Variants in PLPPR1 observed in about 807,000 individuals in gnomAD.
PLPPR1 encodes the protein phospholipid phosphatase-related protein type 1.
Under a neutral mutation model 33.1 loss-of-function variants are expected in PLPPR1, and 10 were observed. That is an observed-to-expected ratio of 0.30 (90% CI 0.19 to 0.51). The LOEUF is 0.51. Ranked by LOEUF, PLPPR1 falls within the 20% of genes least tolerant of loss-of-function variation. PLPPR1 has a pLI of 0.97. For missense variants in PLPPR1, 304 were observed against 408.1 expected, an observed-to-expected ratio of 0.74 and a Z score of 2.20; for synonymous variants, 151 against 151.0, an observed-to-expected ratio of 1.00 and a Z score of 0.00.
intron 2 of PLPPR1, among the ~76,000 whole-genome samples, chr9:101,235,313 G>A (rs1827277159): frequency 6.6e-6 from 1 of 151,822 alleles, no homozygotes; most frequent in Non-Finnish European, 1.5e-5. Context: ...TTCGAACACA[G>A]GGAGAACTGT....
chr9:101,107,922 T>C (rs1294464728), intron 1 of PLPPR1, among the ~76,000 whole-genome samples: 4 of 151,176 alleles, frequency 2.6e-5, no homozygotes, highest in East Asian at 2.0e-4. Flanking sequence ...CCAGGTGCGT[T>C]CGTCACCCCT....
intron 2 of PLPPR1, among the ~76,000 whole-genome samples, chr9:101,222,163 CT>C (rs1826956634): frequency 6.6e-6 from 1 of 152,314 alleles, no homozygotes; most frequent in Admixed American, 6.5e-5. Context: ...GAAGTAGCAC[CT>C]GAGAAACTGG....
In PLPPR1 at chr9:101,090,071, C is replaced by T. The variant is rs143703026; in HGVS notation, c.-46+60969C>T. Among the ~76,000 whole-genome samples the T allele has an allele frequency of 1.3e-3, 191 of 152,230 alleles. 1 individual carries two copies. The highest frequency in any genetic ancestry group is 4.4e-3 in the African/African-American group (184 of 41,536). On this transcript the variant is annotated intron_variant, in intron 1 of 7. Transcript: ENST00000374874. ...GCTTCTGGGAGCCCCAGACATATTC[C>T]TTGGTTTGTGGCAGCATGACTCCAA...
At chr9:101,246,701 A>G (rs774983058) in intron 2 of PLPPR1, among the ~76,000 whole-genome samples, 1 of 152,038 alleles carries the variant, frequency 6.6e-6, no homozygotes, top group Non-Finnish European at 1.5e-5. Flanking sequence ...GTGTGTAACA[A>G]AGCACTCCAA....
intron 1 of PLPPR1, among the ~76,000 whole-genome samples, chr9:101,159,754 G>A (rs1266926900): frequency 6.6e-6 from 1 of 152,150 alleles, no homozygotes. Flanking sequence ...GAGCGCAAAG[G>A]GATATTGTGT....
chr9:101,046,351 C>T (rs1300524554), intron 1 of PLPPR1, among the ~76,000 whole-genome samples: 1 of 152,098 alleles, frequency 6.6e-6, no homozygotes, highest in African/African-American at 2.4e-5. Context: ...TCCCCTCCAC[C>T]CCTGCCCAGA....
intron 2 of PLPPR1, among the ~76,000 whole-genome samples, chr9:101,206,928 T>C (rs959619942): frequency 1.3e-5 from 2 of 152,004 alleles, no homozygotes; most frequent in Admixed American, 6.6e-5. Flanking sequence ...CCAGGACTTA[T>C]AGGGAATATA....
chr9:101,314,464 T>C (rs117843011), intron 6 of PLPPR1, among the ~76,000 whole-genome samples: 3,587 of 152,318 alleles, frequency 0.024, 61 homozygotes, highest in Middle Eastern at 0.068. Context: ...TCAGAGATAA[T>C]GCAGCTTTGG....
intron 1 of PLPPR1, among the ~76,000 whole-genome samples, chr9:101,031,965 G>C (rs649414): frequency 7.9e-5 from 12 of 151,776 alleles, no homozygotes; most frequent in Non-Finnish European, 1.6e-4. Flanking sequence ...CAAAGGGAGG[G>C]CATCCAACTC....
rs574682402 is a variant in PLPPR1 at position 101,226,661 on chromosome 9, C to T, written c.63+41104C>T. 1.6e-4 allele frequency among the ~76,000 whole-genome samples: 24 copies of T among 152,234 alleles called. No homozygotes were observed. In the South Asian group the frequency reaches 1.7e-3, roughly 11 times the overall value. ...ATCCCATTTATGAGGGCTTCAACCT[C>T]AAGACCTAATCACCTCCCAAAGATC... On this transcript the variant is annotated intron_variant, in intron 2 of 7. Transcript: ENST00000374874.
intron 1 of PLPPR1, among the ~76,000 whole-genome samples, chr9:101,071,329 GA>G (rs1426620880): frequency 1.3e-5 from 2 of 150,624 alleles, no homozygotes; most frequent in Non-Finnish European, 2.9e-5. Flanking sequence ...TATTTGGAGG[GA>G]AAAAGTTAAG....
At chr9:101,289,528 C>G (rs1588112480) in intron 4 of PLPPR1, among the ~76,000 whole-genome samples, 1 of 152,182 alleles carries the variant, frequency 6.6e-6, no homozygotes, top group African/African-American at 2.4e-5. Context: ...TCCCATAATT[C>G]CCACATGTTG....
At chr9:101,129,639 G>A (rs1295365078) in intron 1 of PLPPR1, among the ~76,000 whole-genome samples, 1 of 152,152 alleles carries the variant, frequency 6.6e-6, no homozygotes, top group Admixed American at 6.5e-5. Context: ...AGACCATCCT[G>A]GCCAACATGG....
intron 1 of PLPPR1, among the ~76,000 whole-genome samples, chr9:101,167,226 C>A (rs200774082): frequency 2.0e-4 from 19 of 93,640 alleles, no homozygotes; most frequent in South Asian, 3.8e-4. Context: ...CACACACACA[C>A]ACACACACTT....
At chr9:101,183,028 C>T (rs1290268625) in intron 1 of PLPPR1, among the ~76,000 whole-genome samples, 1 of 151,704 alleles carries the variant, frequency 6.6e-6, no homozygotes, top group African/African-American at 2.4e-5. Context: ...TGGGAACTCT[C>T]ATACATTGCT....
Position 101,324,196 on chromosome 9 carries a change from G to T in PLPPR1, c.*139G>T, listed in dbSNP as rs1297966506. The T allele has an allele frequency of 7.9e-5, 43 of 544,928 alleles. No individual in the cohort carries two copies. The highest frequency in any genetic ancestry group is 3.3e-4 in the South Asian group (9 of 27,306). 33.8% of individuals were successfully genotyped at this position (544,928 alleles called of 1,614,324 possible). The stretch of plus-strand genomic sequence containing the variant: ...GAAGCTAATGTTTTGTACATTTTTT[G>T]TATGAGGAAGTGATGTAGCTTGCCC... On this transcript the variant is annotated 3_prime_UTR_variant, in exon 8 of 8. Transcript: ENST00000374874.
intron 2 of PLPPR1, among the ~76,000 whole-genome samples, chr9:101,217,978 C>G (rs1826838254): frequency 6.6e-6 from 1 of 151,964 alleles, no homozygotes; most frequent in Non-Finnish European, 1.5e-5. Flanking sequence ...AGACACTTAC[C>G]CTTTGACTCA....
At chr9:101,200,802 C>T (rs1826478483) in intron 2 of PLPPR1, among the ~76,000 whole-genome samples, 1 of 152,048 alleles carries the variant, frequency 6.6e-6, no homozygotes, top group Admixed American at 6.5e-5. Context: ...GTATACATTG[C>T]ATAGAATGTA....
At chr9:101,288,702 A>G (rs1243829606) in intron 4 of PLPPR1, among the ~76,000 whole-genome samples, 1 of 152,140 alleles carries the variant, frequency 6.6e-6, no homozygotes, top group Admixed American at 6.5e-5. Context: ...AAATTCTTAA[A>G]CCTCATTCTA....
Sources: gnomAD v4.1 joint callset for allele counts (sites outside exome capture counted in the v4.1 genomes callset) on GRCh38, gnomAD v4.1.1 for gene constraint, MANE v1.5 for transcripts, NCBI Gene and HGNC (gene_info 2026-07-23, HGNC 2026-07-21) for gene names.